Variants in CDH6 observed in about 807,000 individuals in gnomAD.
CDH6 encodes cadherin 6.
A neutral mutation model predicts 78.0 loss-of-function variants in CDH6; 31 were observed. That is an observed-to-expected ratio of 0.40 (90% CI 0.30 to 0.54). The LOEUF is 0.54. Among genes scored for constraint, CDH6 ranks in the 20% least tolerant of loss-of-function variants. CDH6 has a pLI of 0.56. For missense variants in CDH6, 724 were observed against 975.9 expected (o/e 0.74, Z 3.44); for synonymous variants, 376 against 368.8 (o/e 1.02, Z -0.23).
Position 31,294,018 on chromosome 5 carries a change from T to C in CDH6, c.285T>C (p.Asp95=). The C allele has an allele frequency of 6.2e-7, 1 of 1,612,866 alleles. No individual in the cohort carries two copies. The highest frequency in any genetic ancestry group is 8.5e-7 in the Non-Finnish European group (1 of 1,179,134). Residue 95 remains aspartate, a synonymous_variant, in exon 3 of 12, where the codon GAT becomes GAC. Coordinates refer to ENST00000265071, the MANE Select transcript of CDH6 (RefSeq NM_004932.4). This position sits in a 1 kb window ranked among gnomAD's most constrained non-coding sequence, Gnocchi z 4.1. ...DGSLKYILSG[D]GAGDLFIINE... The stretch of plus-strand genomic sequence containing the variant: ...CACTTAAATATATCCTTTCAGGAGA[T>C]GGAGCAGGAGATCTCTTCATTATTA...
chr5:31,242,703 G>GA (rs1048854742), intron 1 of CDH6, among the ~76,000 whole-genome samples: 3 of 142,010 alleles, frequency 2.1e-5, no homozygotes, highest in African/African-American at 8.6e-5. Flanking sequence ...AATAAGAATG[G>GA]GGGGGGGCGG....
At chr5:31,280,810 A>T (rs1324768580) in intron 2 of CDH6, among the ~76,000 whole-genome samples, 1 of 151,980 alleles carries the variant, frequency 6.6e-6, no homozygotes. Context: ...GAGGAGGAGA[A>T]GAAAAAGGAC....
In CDH6 at chr5:31,305,411, G is replaced by C; in HGVS notation, c.1237G>C (p.Ala413Pro). 6.2e-7 allele frequency: 1 copy of C among 1,613,648 alleles called. No individual in the cohort carries two copies. Among genetic ancestry groups the C allele is most frequent in the East Asian group, 2.2e-5 (1 of 44,880 alleles). ...CGTCACAGCCCAAGATCCAGATGCT[G>C]CCAGGAATCCTGTCAAGTAAGCACA... Reference protein sequence around the residue: ...GSVTAQDPDAARNPVKYSVDR... With the variant: ...GSVTAQDPDAPRNPVKYSVDR... The change falls in exon 7 of 12, where the codon GCC (alanine) becomes CCC (proline). Residue 413 changes from alanine to proline, a missense_variant. Physicochemically the swap from Ala to Pro is conservative, Grantham distance 27 (BLOSUM62 -1). This residue lies in a region of CDH6 where 446 missense variants were observed against 684.5 expected (regional missense o/e 0.65). Coordinates refer to ENST00000265071, the MANE Select transcript of CDH6 (RefSeq NM_004932.4).
intron 1 of CDH6, among the ~76,000 whole-genome samples, chr5:31,234,768 T>C (rs1435026773): frequency 2.6e-5 from 4 of 152,244 alleles, no homozygotes; most frequent in Admixed American, 6.5e-5. Flanking sequence ...TCAAATTATA[T>C]ACATAAACAT....
intron 2 of CDH6, among the ~76,000 whole-genome samples, chr5:31,273,446 G>A (rs112761997): frequency 1.4e-3 from 210 of 152,172 alleles, no homozygotes; most frequent in African/African-American, 4.4e-3. Flanking sequence ...TTGGATCCTC[G>A]CAGCAACCCT....
chr5:31,270,899 C>T (rs1036637174), intron 2 of CDH6, among the ~76,000 whole-genome samples: 3 of 152,070 alleles, frequency 2.0e-5, no homozygotes, highest in African/African-American at 4.8e-5. Context: ...GTCAGCTCCC[C>T]CCTGCAATCC....
At chr5:31,206,153 T>TGATA (rs35832474) in intron 1 of CDH6, among the ~76,000 whole-genome samples, 63,476 of 151,436 alleles carry the variant, frequency 0.42, 13,711 homozygotes, top group South Asian at 0.55. Context: ...GATAGATAGA[T>TGATA]GATAGAATAG....
At chr5:31,252,540 A>C (rs1016512271) in intron 1 of CDH6, among the ~76,000 whole-genome samples, 3 of 152,204 alleles carry the variant, frequency 2.0e-5, no homozygotes, top group African/African-American at 7.2e-5. Context: ...ATTTTGGCTT[A>C]GTTTTCATGT....
At chr5:31,205,541 C>T (rs1199634562) in intron 1 of CDH6, among the ~76,000 whole-genome samples, 1 of 152,162 alleles carries the variant, frequency 6.6e-6, no homozygotes, top group African/African-American at 2.4e-5. Flanking sequence ...TATTTTAATT[C>T]TTAGTTTGTG....
chr5:31,308,439 A>C (rs995800897), intron 7 of CDH6, among the ~76,000 whole-genome samples: 5 of 151,968 alleles, frequency 3.3e-5, no homozygotes, highest in African/African-American at 1.2e-4. Flanking sequence ...CCTGAAAAAA[A>C]AAAAAAAGAG....
At chr5:31,202,219 G>T (rs1740370664) in intron 1 of CDH6, among the ~76,000 whole-genome samples, 1 of 152,062 alleles carries the variant, frequency 6.6e-6, no homozygotes, top group African/African-American at 2.4e-5. Context: ...TTGCCTTCTA[G>T]TGTATAGTAT....
intron 1 of CDH6, among the ~76,000 whole-genome samples, chr5:31,224,352 T>C (rs1367474999): frequency 6.6e-6 from 1 of 152,138 alleles, no homozygotes; most frequent in Non-Finnish European, 1.5e-5. Flanking sequence ...CCACAACATG[T>C]GGGAATTCAA....
At chr5:31,197,461 G>T (rs960230708) in intron 1 of CDH6, among the ~76,000 whole-genome samples, 5 of 152,182 alleles carry the variant, frequency 3.3e-5, no homozygotes, top group African/African-American at 1.2e-4. Flanking sequence ...GACTCAGTCT[G>T]AATTGCATTC....
chr5:31,216,137 C>CT (rs34235749), intron 1 of CDH6, among the ~76,000 whole-genome samples: 19,092 of 147,986 alleles, frequency 0.13, 1,469 homozygotes, highest in East Asian at 0.28. Context: ...ATACATCTGA[C>CT]TTTTTTTTTT....
chr5:31,209,680 G>C (rs1740638970), intron 1 of CDH6, among the ~76,000 whole-genome samples: 1 of 152,126 alleles, frequency 6.6e-6, no homozygotes, highest in Non-Finnish European at 1.5e-5. Flanking sequence ...TCTCGAACTG[G>C]ATTAAACAGA....
chr5:31,281,080 A>G (rs1024706310), intron 2 of CDH6, among the ~76,000 whole-genome samples: 4 of 152,184 alleles, frequency 2.6e-5, no homozygotes, highest in Non-Finnish European at 1.5e-5. Context: ...TGTCTTATAG[A>G]GATACATAGC....
chr5:31,277,530 C>T (rs113744482), intron 2 of CDH6, among the ~76,000 whole-genome samples: 1 of 152,024 alleles, frequency 6.6e-6, no homozygotes, highest in Admixed American at 6.6e-5. Context: ...TATTTAATTA[C>T]CCTGAATGTT....
At chr5:31,301,161 A>G (rs984434210) in intron 5 of CDH6, among the ~76,000 whole-genome samples, 54 of 152,212 alleles carry the variant, frequency 3.5e-4, no homozygotes, top group African/African-American at 1.3e-3. Flanking sequence ...TTGAGTCAAA[A>G]AAAGTTTAAA....
chr5:31,196,101 A>T (rs1392766665), intron 1 of CDH6, among the ~76,000 whole-genome samples: 3 of 152,210 alleles, frequency 2.0e-5, no homozygotes, highest in Non-Finnish European at 4.4e-5. Context: ...ATGGAAACAT[A>T]ATCATTTTCT....
Sources: allele counts gnomAD v4.1 joint callset (sites outside exome capture counted in the v4.1 genomes callset), GRCh38; gene constraint gnomAD v4.1.1; regional missense constraint gnomAD v4.1.1; non-coding constraint Gnocchi (gnomAD v3.1); transcripts MANE v1.5; gene names NCBI Gene and HGNC (gene_info 2026-07-23, HGNC 2026-07-21).